Variants in SP3 observed in about 807,000 individuals in gnomAD.
SP3 encodes the protein Sp3 transcription factor.
A neutral mutation model predicts 70.3 loss-of-function variants in SP3; 10 were observed. The observed-to-expected ratio is 0.14, with a 90% CI of 0.09 to 0.24. The LOEUF (loss-of-function observed/expected upper bound fraction) is 0.24. Ranked by LOEUF, SP3 falls within the 10% of genes least tolerant of loss-of-function variation. SP3 has a pLI of 1.00. For missense variants in SP3, 825 were observed against 914.6 expected (o/e 0.90, Z 1.26); for synonymous variants, 402 against 333.5 (o/e 1.21, Z -2.24).
At position 173,904,960 on chromosome 2, in the gene SP3, A is replaced by G. The variant is rs1286847049; in HGVS notation, c.*4981T>C. Among the ~76,000 whole-genome samples, 1 of 152,216 alleles carries G rather than the reference A, an allele frequency of 6.6e-6. No individual in the cohort carries two copies. The highest frequency in any genetic ancestry group is 1.5e-5 in the Non-Finnish European group (1 of 68,044). On this transcript the variant is annotated 3_prime_UTR_variant, in exon 7 of 7. Coordinates refer to ENST00000310015, the MANE Select transcript of SP3 (RefSeq NM_003111.5). ...TCTTTCAGTCGCAATGAACCTGAAG[A>G]TTCTTCGGCTGGTTTTTAGAAATGT...
rs930913770 is a variant in SP3, at chr2:173,964,418, G to C, written c.143C>G (p.Ala48Gly). 2.8e-6 allele frequency: 2 copies of C among 726,874 alleles called. No individual in the cohort carries two copies. Among genetic ancestry groups the C allele is most frequent in the Admixed American group, 3.7e-5 (2 of 54,440 alleles). 45.0% of individuals were successfully genotyped at this position (726,874 alleles called of 1,614,324 possible). ...QQHGNGAVAA[A>G]AAAQDTQPSP... ...GCCGCTCCTCACCTGGGCCGCCGCTGCCGCCGCCACCGCACCGTTTCCGTG... is the reference window on the plus strand; with the variant it reads ...GCCGCTCCTCACCTGGGCCGCCGCTCCCGCCGCCACCGCACCGTTTCCGTG... Residue 48 changes from alanine to glycine, a missense_variant, in exon 2 of 7, where the codon GCA becomes GGA. This residue lies in a region of SP3 where 678 missense variants were observed against 651.6 expected (regional missense o/e 1.04). Coordinates refer to ENST00000310015, the MANE Select transcript of SP3 (RefSeq NM_003111.5).
intron 3 of SP3, among the ~76,000 whole-genome samples, chr2:173,962,283 TAC>T (rs1491295499): frequency 6.6e-6 from 1 of 152,338 alleles, no homozygotes; most frequent in African/African-American, 2.4e-5. Context: ...CTTTACAAAT[TAC>T]AGTTACAAGA....
intron 4 of SP3, among the ~76,000 whole-genome samples, chr2:173,934,290 A>C (rs920617227): frequency 2.0e-5 from 3 of 152,022 alleles, no homozygotes; most frequent in Admixed American, 1.3e-4. Flanking sequence ...AAAAGCAAAA[A>C]TGGAAACAGA....
In SP3 at chr2:173,909,337, C is replaced by G. The variant is rs1200211219; in HGVS notation, c.*604G>C. On this transcript the variant is annotated 3_prime_UTR_variant, in exon 7 of 7. Coordinates refer to ENST00000310015, the MANE Select transcript of SP3 (RefSeq NM_003111.5). ...AACAGGATTTAAAAGGTGACTATCC[C>G]TAGAGTTCCATGTTAAAATGTAGTT... The G allele has an allele frequency of 6.6e-6, 1 of 152,416 alleles. No homozygotes were observed. Among genetic ancestry groups the G allele is most frequent in the Admixed American group, 6.5e-5 (1 of 15,282 alleles). 9.4% of individuals were successfully genotyped at this position (152,416 alleles called of 1,614,324 possible). A position where few individuals can be genotyped will look rare whatever the true frequency, so the allele number is the denominator to read the frequency against.
intron 3 of SP3, among the ~76,000 whole-genome samples, chr2:173,959,111 C>G (rs1365585768): frequency 6.6e-6 from 1 of 151,858 alleles, no homozygotes; most frequent in Non-Finnish European, 1.5e-5. Flanking sequence ...CAGAATGGAT[C>G]AAAACAAATT....
At chr2:173,923,124 T>G (rs1689804673) in intron 4 of SP3, among the ~76,000 whole-genome samples, 1 of 152,176 alleles carries the variant, frequency 6.6e-6, no homozygotes, top group Admixed American at 6.5e-5. Context: ...ATGACACATT[T>G]AAGAACTTTA....
chr2:173,923,742 T>C (rs1227549553), intron 4 of SP3, among the ~76,000 whole-genome samples: 1 of 150,678 alleles, frequency 6.6e-6, no homozygotes, highest in East Asian at 1.9e-4. Flanking sequence ...CTGAAGTAAT[T>C]TGATTCTAAA....
chr2:173,918,973 T>C (rs1689678403), intron 4 of SP3, among the ~76,000 whole-genome samples, 188 bp from the exon 5 acceptor site: 1 of 152,172 alleles, frequency 6.6e-6, no homozygotes, highest in Non-Finnish European at 1.5e-5. Flanking sequence ...TGGAGAGTAA[T>C]CTCCTGTATA....
chr2:173,965,575 C>G (rs556083513), upstream of SP3: 2 of 217,488 alleles, frequency 9.2e-6, no homozygotes, highest in East Asian at 1.5e-4. Context: ...CCGGTTACCC[C>G]GCTGTGCCCG....
chr2:173,917,191 G>A (rs1689636286), intron 5 of SP3, among the ~76,000 whole-genome samples: 3 of 151,996 alleles, frequency 2.0e-5, no homozygotes, highest in Admixed American at 2.0e-4. Context: ...ACAAAGGCCA[G>A]GCCTCCGTTA....
chr2:173,962,528 C>T (rs1433222737), intron 3 of SP3, among the ~76,000 whole-genome samples: 4 of 152,134 alleles, frequency 2.6e-5, no homozygotes, highest in African/African-American at 9.7e-5. Flanking sequence ...TATAATTTTA[C>T]ATTTTTACAT....
rs1691222965 is a variant in SP3 at position 173,964,538 on chromosome 2, A to G, written c.23T>C (p.Val8Ala). 1 of 484,202 alleles carries G rather than the reference A, an allele frequency of 2.1e-6. No homozygotes were observed. Among genetic ancestry groups the G allele is most frequent in the East Asian group, 5.8e-5 (1 of 17,346 alleles). The allele number at this position is 484,202 out of a possible 1,614,324, so 30.0% of individuals were successfully genotyped here. The change falls in exon 2 of 7, where the codon GTG (valine) becomes GCG (alanine). Residue 8 changes from valine to alanine, a missense_variant. Transcript: ENST00000310015. ...CAAGGCAGCCATTTCCTCTTGTTTC[A>G]CGGGCTTTTCGGGAGCTGCAGGCAC... MTAPEKP[V>A]KQEEMAALDV...
At position 173,905,330 on chromosome 2, in the gene SP3, T is replaced by G. The variant is rs1435070388; in HGVS notation, c.*4611A>C. Among the ~76,000 whole-genome samples, 2 of 152,210 alleles carry G rather than the reference T, an allele frequency of 1.3e-5. No homozygotes were observed. Among genetic ancestry groups the G allele is most frequent in the East Asian group, 3.8e-4 (2 of 5,200 alleles). The stretch of plus-strand genomic sequence containing the variant: ...CCGTTAAGTCAGGCACTATGCTGAA[T>G]GCTTATATTTTAATACAACAATCCT... On this transcript the variant is annotated 3_prime_UTR_variant, in exon 7 of 7. Transcript: ENST00000310015.
At position 173,939,419 on chromosome 2, in the gene SP3, C is replaced by T. The variant is rs533129983; in HGVS notation, c.1639+15454G>A. Reference sequence around the variant, plus strand: ...GCATACTTTAACAAAAGAAATGACACATCTGTATAAGGATATCTACTGCAG... The same window carrying T: ...GCATACTTTAACAAAAGAAATGACATATCTGTATAAGGATATCTACTGCAG... On this transcript the variant is annotated intron_variant, in intron 4 of 6. Coordinates refer to ENST00000310015, the MANE Select transcript of SP3 (RefSeq NM_003111.5). 2.0e-5 allele frequency among the ~76,000 whole-genome samples: 3 copies of T among 152,174 alleles called. No homozygotes were observed. In the East Asian group the frequency reaches 5.8e-4, roughly 29 times the overall value.
At position 173,901,672 on chromosome 2, in the gene SP3, GAA is replaced by G. The variant is rs1316955771; in HGVS notation, c.*8267_*8268del. Among the ~76,000 whole-genome samples, 2 of 149,914 alleles carry G rather than the reference GAA, an allele frequency of 1.3e-5. No individual in the cohort carries two copies. Among genetic ancestry groups the G allele is most frequent in the Admixed American group, 1.3e-4 (2 of 15,026 alleles). On this transcript the variant is annotated 3_prime_UTR_variant, in exon 7 of 7. Transcript: ENST00000310015. ...GCCGTTGGATAAAATGAACAGCAGG[GAA>G]ACAGTTAGTTGGACTTAAGCCTTTT... is the stretch of plus-strand genomic sequence containing the variant.
chr2:173,941,523 T>A (rs1264933509), intron 4 of SP3, among the ~76,000 whole-genome samples: 1 of 152,108 alleles, frequency 6.6e-6, no homozygotes, highest in Non-Finnish European at 1.5e-5. Context: ...GGTGGTAAGG[T>A]CACCTGAGCC....
rs1306953890 is a variant in SP3, at chr2:173,904,903, A to C, written c.*5038T>G. On this transcript the variant is annotated 3_prime_UTR_variant, in exon 7 of 7. Coordinates refer to ENST00000310015, the MANE Select transcript of SP3 (RefSeq NM_003111.5). The stretch of plus-strand genomic sequence containing the variant: ...CTGCATTTCTCTGATGGCCTTTCCT[A>C]ATCTTAAAAACCACTTCAGTGCTAG... Among the ~76,000 whole-genome samples the C allele has an allele frequency of 6.6e-6, 1 of 152,150 alleles. No individual in the cohort carries two copies. The highest frequency in any genetic ancestry group is 1.5e-5 in the Non-Finnish European group (1 of 68,044).
At chr2:173,942,597 A>G (rs1469717810) in intron 4 of SP3, among the ~76,000 whole-genome samples, 1 of 152,132 alleles carries the variant, frequency 6.6e-6, no homozygotes, top group East Asian at 1.9e-4. Context: ...ATCTGTATAC[A>G]CTAATGACAC....
intron 4 of SP3, among the ~76,000 whole-genome samples, chr2:173,937,456 A>T (rs192808316): frequency 6.6e-6 from 1 of 152,320 alleles, no homozygotes; most frequent in Admixed American, 6.5e-5. Context: ...GAATCAAGTA[A>T]GTATACAAAC....
Sources: gnomAD v4.1 joint callset for allele counts (sites outside exome capture counted in the v4.1 genomes callset) on GRCh38, gnomAD v4.1.1 for gene constraint, gnomAD v4.1.1 regional missense constraint, MANE v1.5 for transcripts, NCBI Gene and HGNC (gene_info 2026-07-23, HGNC 2026-07-21) for gene names.